CSMD1: variants seen among roughly 807,000 people sequenced by gnomAD.
CSMD1 encodes CUB and sushi domain-containing protein 1.
Under a neutral mutation model 417.5 loss-of-function variants are expected in CSMD1, and 213 were observed. The observed-to-expected ratio is 0.51, with a 90% CI of 0.46 to 0.57. The LOEUF (loss-of-function observed/expected upper bound fraction) is 0.57, where lower values mean the gene tolerates loss of function less well. Ranked by LOEUF, CSMD1 falls within the 20% of genes least tolerant of loss-of-function variation. The pLI, the probability that CSMD1 is intolerant of heterozygous loss-of-function variation, is 0.00. For missense variants in CSMD1, 6,923 were observed against 4,529.7 expected (o/e 1.53, Z -15.17); for synonymous variants, 2,862 against 1,736.8 (o/e 1.65, Z -16.11).
At chr8:3,254,521 G>A (rs1051557081) in intron 26 of CSMD1, among the ~76,000 whole-genome samples, 2 of 152,132 alleles carry the variant, frequency 1.3e-5, no homozygotes, top group African/African-American at 2.4e-5. Flanking sequence ...CCAATCAGAC[G>A]TAGATTTGGT....
intron 3 of CSMD1, among the ~76,000 whole-genome samples, chr8:4,157,648 T>C (rs373133914): frequency 6.6e-6 from 1 of 152,196 alleles, no homozygotes; most frequent in African/African-American, 2.4e-5. Context: ...CTCAGACCTC[T>C]GTTATCTGGG....
chr8:4,249,188 G>T (rs1047896179), intron 3 of CSMD1, among the ~76,000 whole-genome samples: 10 of 152,194 alleles, frequency 6.6e-5, no homozygotes, highest in African/African-American at 2.4e-4. Context: ...CTTGAAGCTT[G>T]ATAGTGTCAC....
chr8:4,282,471 G>C (rs1450334199), intron 3 of CSMD1, among the ~76,000 whole-genome samples: 1 of 152,086 alleles, frequency 6.6e-6, no homozygotes, highest in Non-Finnish European at 1.5e-5. Context: ...TGCCATTTTT[G>C]CTTATTTAAT....
chr8:3,669,842 G>A (rs1020496901), intron 7 of CSMD1, among the ~76,000 whole-genome samples: 1 of 152,140 alleles, frequency 6.6e-6, no homozygotes, highest in Non-Finnish European at 1.5e-5. Flanking sequence ...AGTGGGTGAT[G>A]TCAGCCATGA....
rs1163724471 is a variant in CSMD1 at position 3,110,323 on chromosome 8, T to C, written c.6443A>G (p.Tyr2148Cys). 2 of 1,609,994 alleles carry C rather than the reference T, an allele frequency of 1.2e-6. No individual in the cohort carries two copies. Among genetic ancestry groups the C allele is most frequent in the Non-Finnish European group, 1.7e-6 (2 of 1,178,280 alleles). ...GGTGCCGTTCTGAGAAGTTACGTTG[T>C]ACCCACAAGGGGCTGCAAAGGAAAC... is the stretch of plus-strand genomic sequence containing the variant. ...PFPRCDAPCG[Y>C]NVTSQNGTIY... is the part of the protein sequence containing the mutation. The change falls in exon 43 of 70, where the codon TAC becomes TGC. Residue 2148 changes from tyrosine (Y) to cysteine (C), a missense_variant. Coordinates refer to ENST00000635120, the MANE Select transcript of CSMD1 (RefSeq NM_033225.6).
intron 69 of CSMD1, among the ~76,000 whole-genome samples, 179 bp downstream of exon 69, chr8:2,942,275 CATTTAACTAGGTAACAAA>C (rs1380755415): frequency 2.6e-5 from 4 of 151,414 alleles, no homozygotes; most frequent in African/African-American, 9.7e-5. Flanking sequence ...CCCCGGCTTA[CATTTAACTAGGTAACAAA>C]CCTGCACATC....
intron 3 of CSMD1, among the ~76,000 whole-genome samples, chr8:4,193,585 G>C (rs563679109): frequency 7.4e-4 from 112 of 152,204 alleles, no homozygotes; most frequent in African/African-American, 2.4e-3. Flanking sequence ...AGAGGCAGAG[G>C]ATGAGGGTCC....
chr8:4,310,369 A>T (rs536735300), intron 3 of CSMD1, among the ~76,000 whole-genome samples: 1 of 152,304 alleles, frequency 6.6e-6, no homozygotes, highest in African/African-American at 2.4e-5. Context: ...GGGTTCACAG[A>T]CAGTGTTTCT....
intron 1 of CSMD1, among the ~76,000 whole-genome samples, chr8:4,913,168 T>A (rs1320414762): frequency 1.3e-5 from 2 of 152,142 alleles, no homozygotes; most frequent in South Asian, 2.1e-4. Flanking sequence ...CACAGGACAG[T>A]GGGTCTTGCA....
chr8:4,495,367 G>C (rs545327282), intron 2 of CSMD1, among the ~76,000 whole-genome samples: 1 of 152,044 alleles, frequency 6.6e-6, no homozygotes, highest in Non-Finnish European at 1.5e-5. Context: ...CGAAGTCAAG[G>C]GTTCGAGACT....
intron 1 of CSMD1, among the ~76,000 whole-genome samples, chr8:4,863,736 C>G (rs995852756): frequency 6.6e-6 from 1 of 151,930 alleles, no homozygotes; most frequent in Non-Finnish European, 1.5e-5. Flanking sequence ...AAAATGTATA[C>G]AATGTAACTT....
At chr8:4,626,508 C>G (rs186149724) in intron 2 of CSMD1, among the ~76,000 whole-genome samples, 2 of 152,120 alleles carry the variant, frequency 1.3e-5, no homozygotes, top group East Asian at 3.9e-4. Flanking sequence ...CTGAAAATCA[C>G]GTTGAGAGAA....
At chr8:3,484,171 C>A (rs1817895803) in intron 11 of CSMD1, among the ~76,000 whole-genome samples, 1 of 152,152 alleles carries the variant, frequency 6.6e-6, no homozygotes, top group Non-Finnish European at 1.5e-5. Context: ...ATCACTCCGC[C>A]TGATATTAAC....
At chr8:2,957,310 C>T (rs1322930357) in intron 63 of CSMD1, among the ~76,000 whole-genome samples, 2 of 152,194 alleles carry the variant, frequency 1.3e-5, no homozygotes, top group African/African-American at 4.8e-5. Context: ...AGAATAATAG[C>T]ACGTACAAAT....
chr8:3,866,450 A>G (rs1805111591), intron 5 of CSMD1, among the ~76,000 whole-genome samples: 1 of 152,190 alleles, frequency 6.6e-6, no homozygotes, highest in Non-Finnish European at 1.5e-5. Flanking sequence ...ATATGTTTAA[A>G]TAGTGTGTGC....
intron 2 of CSMD1, among the ~76,000 whole-genome samples, chr8:4,592,740 A>C (rs1375060717): frequency 1.3e-5 from 2 of 152,074 alleles, no homozygotes; most frequent in Non-Finnish European, 2.9e-5. Flanking sequence ...ATGTGTGCTA[A>C]ATTTTTATCT....
intron 2 of CSMD1, among the ~76,000 whole-genome samples, chr8:4,447,768 T>A (rs370949464): frequency 1.1e-4 from 16 of 152,288 alleles, no homozygotes; most frequent in African/African-American, 3.4e-4. Flanking sequence ...CAGTTATGTA[T>A]CAAGTGTTAT....
rs150697174 is a variant in CSMD1 at position 4,297,254 on chromosome 8, T to A, written c.415+122699A>T. Among the ~76,000 whole-genome samples, 10 of 152,268 alleles carry A rather than the reference T, an allele frequency of 6.6e-5. No individual in the cohort carries two copies. The South Asian group carries it at 1.2e-3, about 19-fold the overall frequency. On this transcript the variant is annotated intron_variant, in intron 3 of 69. Transcript: ENST00000635120. ...ATTTAGAAATAATTAAATATAGAGC[T>A]TGAAATTTACCAAGGCTATATGAAG...
chr8:3,513,749 C>A (rs987157536), intron 10 of CSMD1, among the ~76,000 whole-genome samples: 1 of 152,186 alleles, frequency 6.6e-6, no homozygotes, highest in African/African-American at 2.4e-5. Context: ...CATAATAGGT[C>A]AGCTGCAGAG....
Sources: gnomAD v4.1 joint callset for allele counts (sites outside exome capture counted in the v4.1 genomes callset) on GRCh38, gnomAD v4.1.1 for gene constraint, MANE v1.5 for transcripts, NCBI Gene and HGNC (gene_info 2026-07-23, HGNC 2026-07-21) for gene names.